PPP3CC: variants seen among roughly 807,000 people sequenced by gnomAD.
PPP3CC encodes protein phosphatase 3 catalytic subunit gamma.
In PPP3CC, 35 loss-of-function variants were observed where a neutral mutation model predicts 60.3. That is an observed-to-expected ratio of 0.58 (90% CI 0.44 to 0.77). PPP3CC has a LOEUF of 0.77. Ranked by LOEUF, PPP3CC falls within the 30% of genes least tolerant of loss-of-function variation. The pLI, the probability that PPP3CC is intolerant of heterozygous loss-of-function variation, is 0.00. For synonymous variants in PPP3CC, 206 were observed against 224.3 expected (o/e 0.92, Z 0.73); for missense variants, 570 against 628.9 (o/e 0.91, Z 1.00).
In PPP3CC at chr8:22,532,305, C is replaced by T. The variant is rs147883306; in HGVS notation, c.1222C>T (p.Arg408Trp). ...GATGGCACGGGTCTTTTCAATTCTT[C>T]GGTAAGGATGTCTGTCATTACAGTG... ...GKMARVFSILRQESESVLTLK... is the reference protein window; with the variant it reads ...GKMARVFSILWQESESVLTLK... The change falls in exon 11 of 14, where the codon CGG becomes TGG. Residue 408 changes from arginine (R) to tryptophan (W), a missense_variant and splice_region_variant. Arg to Trp is a moderately radical substitution (Grantham distance 101). Coordinates refer to ENST00000240139, the MANE Select transcript of PPP3CC (RefSeq NM_005605.5). 33 of 1,607,552 alleles carry T rather than the reference C, an allele frequency of 2.1e-5. No homozygotes were observed. Among genetic ancestry groups the T allele is most frequent in the Non-Finnish European group, 2.6e-5 (30 of 1,174,310 alleles).
In PPP3CC at chr8:22,441,422, C is replaced by A; in HGVS notation, c.13C>A (p.Arg5Ser). MSGR[R>S]FHLSTTDRVI... is the part of the protein sequence containing the mutation. ...GGCCGAGGGGACCATGTCCGGGAGG[C>A]GCTTCCACCTCTCCACCACCGACCG... is the stretch of plus-strand genomic sequence containing the variant. The change falls in exon 1 of 14, where the codon CGC (arginine) becomes AGC (serine). Residue 5 changes from arginine (R) to serine (S), a missense_variant. Physicochemically the swap from Arg to Ser is moderately radical, Grantham distance 110. Coordinates refer to ENST00000240139, the MANE Select transcript of PPP3CC (RefSeq NM_005605.5). 6.5e-7 allele frequency: 1 copy of A among 1,545,708 alleles called. No individual in the cohort carries two copies. The highest frequency in any genetic ancestry group is 2.0e-5 in the Admixed American group (1 of 50,730).
At chr8:22,449,286 A>G (rs1269399365) in intron 1 of PPP3CC, among the ~76,000 whole-genome samples, 2 of 151,752 alleles carry the variant, frequency 1.3e-5, no homozygotes, top group Non-Finnish European at 2.9e-5. Context: ...CGTGTCTACA[A>G]AAAATATAAA....
chr8:22,536,089 A>G (rs1379829583), intron 12 of PPP3CC, among the ~76,000 whole-genome samples: 4 of 152,218 alleles, frequency 2.6e-5, no homozygotes, highest in African/African-American at 9.6e-5. Context: ...ATACTGAGAT[A>G]TTAGAGTTCA....
chr8:22,489,094 A>C (rs1382468541), intron 3 of PPP3CC, among the ~76,000 whole-genome samples: 2 of 151,994 alleles, frequency 1.3e-5, no homozygotes, highest in Non-Finnish European at 2.9e-5. Flanking sequence ...TAAAACAATT[A>C]CTTTGGCTGT....
At chr8:22,520,600 T>C (rs1414727128) in intron 6 of PPP3CC, among the ~76,000 whole-genome samples, 1 of 152,204 alleles carries the variant, frequency 6.6e-6, no homozygotes, top group African/African-American at 2.4e-5. Context: ...CTGTTGAAGC[T>C]GTCTCTTGAG....
intron 3 of PPP3CC, among the ~76,000 whole-genome samples, chr8:22,478,153 AAAC>A (rs1290377483): frequency 1.3e-5 from 2 of 149,898 alleles, no homozygotes; most frequent in African/African-American, 4.9e-5. Flanking sequence ...CCTGGCAATA[AAAC>A]AACTTTTTTT....
At chr8:22,535,562 C>T (rs182983291) in intron 12 of PPP3CC, among the ~76,000 whole-genome samples, 1 of 151,930 alleles carries the variant, frequency 6.6e-6, no homozygotes. Context: ...TAGGTACTGT[C>T]ATAGCTCATG....
At chr8:22,482,305 T>C (rs918066510) in intron 3 of PPP3CC, among the ~76,000 whole-genome samples, 1 of 152,232 alleles carries the variant, frequency 6.6e-6, no homozygotes, top group Non-Finnish European at 1.5e-5. Context: ...CTTTTTTTCA[T>C]ATATTTGTTG....
chr8:22,535,332 AGAGACAG>A lies in PPP3CC; in HGVS notation c.1321+2319_1321+2325del, dbSNP rs569221099. Among the ~76,000 whole-genome samples the A allele has an allele frequency of 3.2e-4, 49 of 152,226 alleles. 1 individual carries two copies. The highest frequency in any genetic ancestry group is 2.9e-3 in the Admixed American group (45 of 15,294). Reference sequence around the variant, plus strand: ...TCGTGAGAATAAACATGCAAGGGGAAGAGACAGGAGATCATATTACTGGGTGACTAAC... The same window carrying A: ...TCGTGAGAATAAACATGCAAGGGGAAGAGATCATATTACTGGGTGACTAAC... On this transcript the variant is annotated intron_variant, in intron 12 of 13. Coordinates refer to ENST00000240139, the MANE Select transcript of PPP3CC (RefSeq NM_005605.5).
intron 3 of PPP3CC, among the ~76,000 whole-genome samples, chr8:22,478,820 A>ACAG (rs938845410): frequency 3.3e-4 from 51 of 152,366 alleles, no homozygotes; most frequent in Admixed American, 3.3e-3. Flanking sequence ...AGGACTTAGC[A>ACAG]CAGTGCCTAA....
At chr8:22,514,269 A>G (rs1299373714) in intron 6 of PPP3CC, among the ~76,000 whole-genome samples, 1 of 140,298 alleles carries the variant, frequency 7.1e-6, no homozygotes, top group African/African-American at 2.6e-5. Flanking sequence ...AAAAAAAAAA[A>G]AAGGAAGACA....
At chr8:22,520,015 T>C (rs1288953764) in intron 6 of PPP3CC, among the ~76,000 whole-genome samples, 1 of 152,224 alleles carries the variant, frequency 6.6e-6, no homozygotes, top group East Asian at 1.9e-4. Flanking sequence ...GGTGTAGTCA[T>C]GACAAACTCC....
At chr8:22,464,169 T>C (rs866050528) in intron 1 of PPP3CC, among the ~76,000 whole-genome samples, 3 of 152,132 alleles carry the variant, frequency 2.0e-5, no homozygotes, top group Non-Finnish European at 4.4e-5. Context: ...GGTTTTTTTT[T>C]CCCTTTAACC....
chr8:22,452,038 G>GTTTTTT (rs1563673597), intron 1 of PPP3CC, among the ~76,000 whole-genome samples: 1 of 148,486 alleles, frequency 6.7e-6, no homozygotes, highest in African/African-American at 2.5e-5. Flanking sequence ...TTTTTTAACA[G>GTTTTTT]TTTTAGAGAT....
Position 22,475,535 on chromosome 8 carries a change from A to T in PPP3CC, c.283A>T (p.Met95Leu), listed in dbSNP as rs1837861530. Residue 95 changes from methionine (M) to leucine (L), a missense_variant, in exon 3 of 14, where the codon ATG becomes TTG. Physicochemically the swap from Met to Leu is conservative, Grantham distance 15. Transcript: ENST00000240139. ...TATTCATGGACAATTCTTTGACCTA[A>T]TGAAGTTATTTGAAGTTGGAGGATC... ...GDIHGQFFDLMKLFEVGGSPS... is the reference protein window; with the variant it reads ...GDIHGQFFDLLKLFEVGGSPS... 6.2e-7 allele frequency: 1 copy of T among 1,611,186 alleles called. No homozygotes were observed. The highest frequency in any genetic ancestry group is 2.2e-5 in the East Asian group (1 of 44,818).
chr8:22,532,313 A>T lies in PPP3CC; in HGVS notation c.1223+7A>T. 1 of 1,602,542 alleles carries T rather than the reference A, an allele frequency of 6.2e-7. No homozygotes were observed. Among genetic ancestry groups the T allele is most frequent in the Non-Finnish European group, 8.5e-7 (1 of 1,169,632 alleles). On this transcript the variant is annotated splice_region_variant and intron_variant, in intron 11 of 13. Coordinates refer to ENST00000240139, the MANE Select transcript of PPP3CC (RefSeq NM_005605.5). ...GGGTCTTTTCAATTCTTCGGTAAGG[A>T]TGTCTGTCATTACAGTGCGGATTAA...
intron 1 of PPP3CC, among the ~76,000 whole-genome samples, chr8:22,441,932 T>C (rs1836686310): frequency 6.6e-6 from 1 of 152,222 alleles, no homozygotes; most frequent in Non-Finnish European, 1.5e-5. Flanking sequence ...CTGCTATTAC[T>C]GGAATAAACT....
Position 22,513,326 on chromosome 8 carries a change from C to T in PPP3CC, c.664C>T (p.Pro222Ser), listed in dbSNP as rs767498113. The T allele has an allele frequency of 5.6e-6, 9 of 1,613,338 alleles. No individual in the cohort carries two copies. Among genetic ancestry groups the T allele is most frequent in the Non-Finnish European group, 7.6e-6 (9 of 1,179,710 alleles). Residue 222 changes from proline to serine, a missense_variant, in exon 6 of 14, where the codon CCT (proline) becomes TCT (serine). Transcript: ENST00000240139. ...GTTTACGGAACCTCCCGCCTTTGGACCTGTGTGTGACCTGCTTTGGTCTGA... is the reference window on the plus strand; with the variant it reads ...GTTTACGGAACCTCCCGCCTTTGGATCTGTGTGTGACCTGCTTTGGTCTGA... ...DRFTEPPAFGPVCDLLWSDPS... is the reference protein window; with the variant it reads ...DRFTEPPAFGSVCDLLWSDPS...
intron 1 of PPP3CC, among the ~76,000 whole-genome samples, chr8:22,457,626 T>G (rs1422642363): frequency 6.6e-6 from 1 of 152,192 alleles, no homozygotes; most frequent in Non-Finnish European, 1.5e-5. Flanking sequence ...AACTTTCTCA[T>G]ACACTTAATT....
Sources: gnomAD v4.1 joint callset for allele counts (sites outside exome capture counted in the v4.1 genomes callset) on GRCh38, gnomAD v4.1.1 for gene constraint, MANE v1.5 for transcripts, NCBI Gene and HGNC (gene_info 2026-07-23, HGNC 2026-07-21) for gene names.